The following POMZP3 variants were observed in gnomAD, a reference collection of about 807,000 sequenced individuals.
POMZP3 encodes the protein POM121 and ZP3 fusion, also known as POM121 and ZP3 fusion protein.
A neutral mutation model predicts 19.8 loss-of-function variants in POMZP3; 10 were observed. The ratio of observed to expected loss-of-function variants is 0.51; its 90% CI spans 0.31 to 0.86. The LOEUF (loss-of-function observed/expected upper bound fraction) is 0.86. Ranked by LOEUF, POMZP3 falls within the 40% of genes least tolerant of loss-of-function variation. The probability of loss-of-function intolerance (pLI) is 0.04; values close to 1 mark genes in which losing one functional copy is unlikely to be tolerated. For synonymous variants in POMZP3, 57 were observed against 85.8 expected, an observed-to-expected ratio of 0.66 and a Z score of 1.85; for missense variants, 152 against 228.1, an observed-to-expected ratio of 0.67 and a Z score of 2.15.
At chr7:76,625,766 A>T in intron 2 of POMZP3, 83 bp from the exon 3 acceptor site, 1 of 1,496,606 alleles carries the variant, frequency 6.7e-7, no homozygotes, top group Non-Finnish European at 9.1e-7. Flanking sequence ...GCTAACCAAC[A>T]AGCCAAAGTA....
intron 3 of POMZP3, among the ~76,000 whole-genome samples, chr7:76,622,247 C>T (rs1815605187): frequency 2.0e-5 from 3 of 152,024 alleles, no homozygotes; most frequent in African/African-American, 7.2e-5. Flanking sequence ...TCTTTCATTC[C>T]TCTACTGTCT....
Position 76,619,567 on chromosome 7 carries a change from A to C in POMZP3, c.228-1267T>G, listed in dbSNP as rs1457219150. 2.7e-5 allele frequency among the ~76,000 whole-genome samples: 4 copies of C among 145,960 alleles called. No homozygotes were observed. The East Asian group carries it at 8.0e-4, about 29-fold the overall frequency. On this transcript the variant is annotated intron_variant, in intron 3 of 6. Transcript: ENST00000310842. ...TCCTGGCAGGGGTTCTTTGTCTGAA[A>C]TTTTCCGCCTAGAGATGGTGTCTTT...
At chr7:76,610,378 T>C (rs946410186) in intron 6 of POMZP3, among the ~76,000 whole-genome samples, 163 bp from the exon 7 acceptor site, 1 of 152,096 alleles carries the variant, frequency 6.6e-6, no homozygotes, top group Non-Finnish European at 1.5e-5. Context: ...CGGCCAGGTG[T>C]GATGGCTTAT....
Position 76,610,310 on chromosome 7 carries a change from T to C in POMZP3, c.*12-95A>G, listed in dbSNP as rs578220446. ...TCTGCCTCAGTGGGCTAAACTAATA[T>C]GTTGTCTTTTTTGTGTGGGCTAATA... On this transcript the variant is annotated intron_variant, in intron 6 of 6. Transcript: ENST00000310842. 25 of 1,170,846 alleles carry C rather than the reference T, an allele frequency of 2.1e-5. No individual in the cohort carries two copies. The East Asian group carries it at 4.0e-4, about 19-fold the overall frequency. 72.5% of individuals were successfully genotyped at this position (1,170,846 alleles called of 1,614,324 possible). A position where few individuals can be genotyped will look rare whatever the true frequency, so the allele number is the denominator to read the frequency against.
chr7:76,612,015 A>G (rs1815133333), intron 4 of POMZP3, among the ~76,000 whole-genome samples: 1 of 150,608 alleles, frequency 6.6e-6, no homozygotes, highest in African/African-American at 2.5e-5. Flanking sequence ...CCTGGCCAAC[A>G]TGGTGAAACC....
chr7:76,624,021 T>A (rs1368846534), intron 3 of POMZP3, among the ~76,000 whole-genome samples: 1 of 143,228 alleles, frequency 7.0e-6, no homozygotes, highest in African/African-American at 2.6e-5. Flanking sequence ...TATGAGGATG[T>A]ATTTTTGGTA....
rs536579127 is a variant in POMZP3, at chr7:76,611,517, G to A, written c.512C>T (p.Ser171Phe). ...GCTCACGACACGAGGCTGCCTCCTG[G>A]AATGGCTTGGAGTGCCACAGTCACC... ...NKGDCGTPSHSRRQPRVVSQW... is the reference protein window; with the variant it reads ...NKGDCGTPSHFRRQPRVVSQW... Residue 171 changes from serine (S) to phenylalanine (F), a missense_variant, in exon 6 of 7, where the codon TCC (serine) becomes TTC (phenylalanine). Physicochemically the swap from Ser to Phe is radical, Grantham distance 155 (BLOSUM62 -2). Around this residue, in one of 4 missense-constraint regions of POMZP3, gnomAD observed 65 missense variants for 86.2 expected, o/e 0.75. Transcript: ENST00000310842. 1 of 1,605,144 alleles carries A rather than the reference G, an allele frequency of 6.2e-7. No homozygotes were observed. The highest frequency in any genetic ancestry group is 1.1e-5 in the South Asian group (1 of 90,920).
At chr7:76,610,448 T>C (rs1465718085) in intron 6 of POMZP3, among the ~76,000 whole-genome samples, 2 of 151,890 alleles carry the variant, frequency 1.3e-5, no homozygotes, top group African/African-American at 2.4e-5. Flanking sequence ...AGGTCAGGTG[T>C]TTGAGACCAG....
At chr7:76,622,589 C>T (rs1012941929) in intron 3 of POMZP3, among the ~76,000 whole-genome samples, 1 of 151,620 alleles carries the variant, frequency 6.6e-6, no homozygotes, top group African/African-American at 2.4e-5. Flanking sequence ...TGGTCTTGAA[C>T]TCCTGACCTC....
Position 76,624,759 on chromosome 7 carries a change from T to G in POMZP3, c.227+763A>C, listed in dbSNP as rs577105532. ...CCTTGCCCTTCCAGGAAATTGGTTT[T>G]AATCTCATTACTGATAAAACTACCA... On this transcript the variant is annotated intron_variant, in intron 3 of 6. Coordinates refer to ENST00000310842, the MANE Select transcript of POMZP3 (RefSeq NM_012230.5). 1.6e-4 allele frequency among the ~76,000 whole-genome samples: 25 copies of G among 151,652 alleles called. No individual in the cohort carries two copies. The East Asian group carries it at 4.8e-3, about 29-fold the overall frequency.
chr7:76,615,973 CAAAAAAAAAA>C, intron 4 of POMZP3, among the ~76,000 whole-genome samples: 44 of 16,882 alleles, frequency 2.6e-3, no homozygotes, highest in Non-Finnish European at 5.9e-4. Context: ...GAGACCCTCT[CAAAAAAAAAA>C]AAAAAAGGGG....
At chr7:76,625,132 C>CAAA (rs59816962) in intron 3 of POMZP3, among the ~76,000 whole-genome samples, 2 of 54,386 alleles carry the variant, frequency 3.7e-5, no homozygotes, top group African/African-American at 7.0e-5. Context: ...GACTCCAACT[C>CAAA]AAAAAAAAAA....
At chr7:76,621,813 A>T (rs1815574980) in intron 3 of POMZP3, among the ~76,000 whole-genome samples, 1 of 150,344 alleles carries the variant, frequency 6.7e-6, no homozygotes, top group African/African-American at 2.5e-5. Flanking sequence ...GGTGGCGGGC[A>T]CCTGCAGTCC....
chr7:76,623,283 T>C (rs1386546850), intron 3 of POMZP3, among the ~76,000 whole-genome samples: 2 of 151,842 alleles, frequency 1.3e-5, no homozygotes, highest in Admixed American at 6.6e-5. Flanking sequence ...ATGTCAGAAA[T>C]CCTATCTATA....
Position 76,626,139 on chromosome 7 carries a change from A to G in POMZP3, c.-75T>C. On this transcript the variant is annotated 5_prime_UTR_variant, in exon 2 of 7. Transcript: ENST00000310842. ...CACACTGTGGGAAGTACCCCCGGAC[A>G]GGAATACTGGGCCTGATGGATCGGA... 1.2e-5 allele frequency: 19 copies of G among 1,610,126 alleles called. No individual in the cohort carries two copies. The highest frequency in any genetic ancestry group is 2.2e-5 in the East Asian group (1 of 44,760).
chr7:76,626,506 G>A, intron 1 of POMZP3: 2 of 600,734 alleles, frequency 3.3e-6, no homozygotes, highest in East Asian at 2.8e-5. Flanking sequence ...GAACTGGAAA[G>A]AAGGGAATCG....
chr7:76,619,325 T>C (rs536810767), intron 3 of POMZP3, among the ~76,000 whole-genome samples: 7 of 152,096 alleles, frequency 4.6e-5, no homozygotes, highest in South Asian at 4.2e-4. Flanking sequence ...GGGGCAGAGG[T>C]TGCAGTGAGC....
chr7:76,622,374 GTTT>G (rs757086256), intron 3 of POMZP3, among the ~76,000 whole-genome samples: 10,734 of 60,188 alleles, frequency 0.18, 481 homozygotes, highest in African/African-American at 0.26. Flanking sequence ...TCATTCTCAA[GTTT>G]TTTTTTTTTT....
chr7:76,618,409 G>A (rs1465775620), intron 3 of POMZP3, 109 bp from the exon 4 acceptor site: 10 of 936,886 alleles, frequency 1.1e-5, no homozygotes, highest in Middle Eastern at 2.2e-4. Context: ...ATCACTTGAG[G>A]TCAGGAGTTC....
Sources: allele counts gnomAD v4.1 joint callset (sites outside exome capture counted in the v4.1 genomes callset), GRCh38; gene constraint gnomAD v4.1.1; regional missense constraint gnomAD v4.1.1; transcripts MANE v1.5; gene names NCBI Gene and HGNC (gene_info 2026-07-23, HGNC 2026-07-21).